Variants in THOC1 observed in about 807,000 individuals in gnomAD.
THOC1 encodes the protein THO complex subunit 1, also known as THO complex 1.
Under a neutral mutation model 97.3 loss-of-function variants are expected in THOC1, and 29 were observed. The ratio of observed to expected loss-of-function variants is 0.30; its 90% CI spans 0.22 to 0.41. THOC1 has a LOEUF of 0.41. Ranked by LOEUF, THOC1 falls within the 10% of genes least tolerant of loss-of-function variation. The pLI is 1.00. For synonymous variants in THOC1, 255 were observed against 257.0 expected (o/e 0.99, Z 0.07); for missense variants, 529 against 761.9 (o/e 0.69, Z 3.60).
At chr18:252,716 G>A in intron 8 of THOC1, 104 bp from the exon 9 acceptor site, 1 of 891,312 alleles carries the variant, frequency 1.1e-6, no homozygotes, top group South Asian at 1.5e-5. Flanking sequence ...GCAACCCACA[G>A]TTAGAGAAGT....
chr18:265,577 T>G (rs1241772548), intron 1 of THOC1, 47 bp from the exon 2 acceptor site: 7 of 1,441,092 alleles, frequency 4.9e-6, no homozygotes, highest in South Asian at 3.9e-5. Flanking sequence ...TTTTGCTTAT[T>G]ATTTGCTGAA....
chr18:245,804 T>C (rs1912069424), intron 11 of THOC1: 1 of 152,510 alleles, frequency 6.6e-6, no homozygotes, highest in African/African-American at 2.4e-5. Flanking sequence ...GTCTCTTTTG[T>C]TTTCTCGTTT....
chr18:230,821 G>C lies in THOC1; in HGVS notation c.919-3920C>G, dbSNP rs117761124. 2.4e-3 allele frequency among the ~76,000 whole-genome samples: 359 copies of C among 152,274 alleles called. 2 individuals carry two copies. The highest frequency in any genetic ancestry group is 0.015 in the East Asian group (78 of 5,176). ...CACCATCATAGCTCACTGCAGCCTT[G>C]AACTCAGGGGCTCAACCAATTCTCT... On this transcript the variant is annotated intron_variant, in intron 11 of 20. Coordinates refer to ENST00000261600, the MANE Select transcript of THOC1 (RefSeq NM_005131.3).
chr18:214,982 C>G, intron 20 of THOC1, 61 bp from the exon 21 acceptor site: 1 of 1,501,866 alleles, frequency 6.7e-7, no homozygotes, highest in Non-Finnish European at 9.1e-7. Flanking sequence ...AAATGGAAAG[C>G]TATGGGGCCA....
intron 11 of THOC1, among the ~76,000 whole-genome samples, chr18:241,725 C>T (rs879425958): frequency 6.6e-6 from 1 of 152,198 alleles, no homozygotes; most frequent in Admixed American, 6.5e-5. Context: ...CATGGTAATA[C>T]TCATGGTACT....
intron 1 of THOC1, among the ~76,000 whole-genome samples, chr18:267,611 C>T (rs1054030008): frequency 1.3e-5 from 2 of 152,322 alleles, no homozygotes; most frequent in African/African-American, 4.8e-5. Flanking sequence ...CCACCCTCCC[C>T]CTTCAGCAGC....
At chr18:250,795 A>T (rs185597877) in intron 9 of THOC1, among the ~76,000 whole-genome samples, 10 of 152,330 alleles carry the variant, frequency 6.6e-5, no homozygotes, top group South Asian at 2.1e-4. Context: ...TGATTTACAA[A>T]CATAACCAAT....
intron 4 of THOC1, chr18:263,710 G>T: frequency 4.4e-6 from 1 of 229,222 alleles, no homozygotes; most frequent in Non-Finnish European, 8.5e-6. Context: ...CATAAGCAGG[G>T]GAATATGTTT....
At chr18:221,662 G>A (rs889746475) in intron 17 of THOC1, among the ~76,000 whole-genome samples, 15 of 136,582 alleles carry the variant, frequency 1.1e-4, no homozygotes, top group African/African-American at 3.8e-4. Flanking sequence ...AGGCTGGAGT[G>A]CAGTGGTGCG....
At chr18:233,728 C>T (rs1427156297) in intron 11 of THOC1, among the ~76,000 whole-genome samples, 1 of 152,090 alleles carries the variant, frequency 6.6e-6, no homozygotes, top group African/African-American at 2.4e-5. Context: ...TAATTACCTG[C>T]CCTAATTACT....
intron 11 of THOC1, among the ~76,000 whole-genome samples, chr18:230,274 T>TG (rs553734761): frequency 1.2e-3 from 168 of 138,650 alleles, no homozygotes; most frequent in Middle Eastern, 6.9e-3. Context: ...GGTTGGGGGA[T>TG]GGGGGTGCAA....
intron 20 of THOC1, 138 bp from the exon 21 acceptor site, chr18:215,059 C>T (rs901105731): frequency 7.7e-6 from 6 of 781,458 alleles, no homozygotes; most frequent in South Asian, 5.7e-5. Context: ...TTATATTCTC[C>T]GTAAGTTGAA....
rs1234493086 is a variant in THOC1 at position 251,517 on chromosome 18, TC to T, written c.677+1021del. Among the ~76,000 whole-genome samples, 20 of 152,268 alleles carry T rather than the reference TC, an allele frequency of 1.3e-4. No homozygotes were observed. The South Asian group carries it at 4.2e-3, about 32-fold the overall frequency. On this transcript the variant is annotated intron_variant, in intron 9 of 20. Transcript: ENST00000261600. ...ACTAGGAAGAAATTATGGAAAGTCT[TC>T]AAATAACGATGTTTCCTTCAACATT...
Position 254,005 on chromosome 18 carries a change from G to A in THOC1, c.603+268C>T, listed in dbSNP as rs534436207. On this transcript the variant is annotated intron_variant, in intron 8 of 20. Transcript: ENST00000261600. The surrounding 1 kb of genome is among the most constrained non-coding windows in gnomAD (Gnocchi z 4.1). ...GGCTCACTGCAGCTTGACCTCCCTGGGCTGAGGCGATTCTCCCACCTCAGC... is the reference window on the plus strand; with the variant it reads ...GGCTCACTGCAGCTTGACCTCCCTGAGCTGAGGCGATTCTCCCACCTCAGC... Among the ~76,000 whole-genome samples, 1 of 151,196 alleles carries A rather than the reference G, an allele frequency of 6.6e-6. No homozygotes were observed.
At position 216,474 on chromosome 18, in the gene THOC1, T is replaced by C. The variant is rs780416915; in HGVS notation, c.1602+12A>G. ...AACTAAAGGGTATGAAAAGTTGATC[T>C]ATGGTACTTACCGGTAATTCCTTGG... is the stretch of plus-strand genomic sequence containing the variant. On this transcript the variant is annotated intron_variant, in intron 19 of 20. Coordinates refer to ENST00000261600, the MANE Select transcript of THOC1 (RefSeq NM_005131.3). 2 of 1,612,974 alleles carry C rather than the reference T, an allele frequency of 1.2e-6. No individual in the cohort carries two copies. The highest frequency in any genetic ancestry group is 8.5e-7 in the Non-Finnish European group (1 of 1,179,352).
intron 8 of THOC1, among the ~76,000 whole-genome samples, chr18:253,104 T>C (rs577533151): frequency 1.3e-5 from 2 of 152,320 alleles, no homozygotes; most frequent in South Asian, 2.1e-4. Context: ...TTTTTAAAAA[T>C]TGATAATTCA....
At chr18:227,049 C>T in intron 11 of THOC1, 148 bp from the exon 12 acceptor site, 1 of 646,366 alleles carries the variant, frequency 1.5e-6, no homozygotes, top group South Asian at 1.9e-5. Context: ...TGAGGCATTA[C>T]CGCACAAGCC....
rs374704085 is a variant in THOC1, at chr18:265,463, G to A, written c.122C>T (p.Pro41Leu). Reference protein sequence around the residue: ...KPLLSTFSQVPGSENEKKCTL... With the variant: ...KPLLSTFSQVLGSENEKKCTL... ...ATAGATATCAATGCCTTACCTGCCA[G>A]GTACCTGGCTGAAGGTACTTAACAA... Residue 41 changes from proline (P) to leucine (L), a missense_variant, in exon 2 of 21, where the codon CCT becomes CTT. Physicochemically the swap from Pro to Leu is moderately conservative, Grantham distance 98. Coordinates refer to ENST00000261600, the MANE Select transcript of THOC1 (RefSeq NM_005131.3). The A allele has an allele frequency of 1.9e-6, 3 of 1,598,118 alleles. No individual in the cohort carries two copies. Among genetic ancestry groups the A allele is most frequent in the Non-Finnish European group, 2.6e-6 (3 of 1,172,146 alleles).
At chr18:267,105 C>T (rs1418886951) in intron 1 of THOC1, among the ~76,000 whole-genome samples, 2 of 151,964 alleles carry the variant, frequency 1.3e-5, no homozygotes, top group Non-Finnish European at 2.9e-5. Context: ...TTCATCCTGG[C>T]ATCCCTATAA....
Sources: allele counts gnomAD v4.1 joint callset (sites outside exome capture counted in the v4.1 genomes callset), GRCh38; gene constraint gnomAD v4.1.1; non-coding constraint Gnocchi (gnomAD v3.1); transcripts MANE v1.5; gene names NCBI Gene and HGNC (gene_info 2026-07-23, HGNC 2026-07-21).